STAG1: variants seen among roughly 807,000 people sequenced by gnomAD.
STAG1 encodes STAG1 cohesin complex component.
In STAG1, 26 loss-of-function variants were observed where a neutral mutation model predicts 170.9. The observed-to-expected ratio is 0.15, with a 90% CI of 0.11 to 0.21. The LOEUF (loss-of-function observed/expected upper bound fraction) is 0.21. STAG1 is among the 10% of genes least tolerant of loss of function. STAG1 has a pLI of 1.00. For synonymous variants in STAG1, 514 were observed against 497.7 expected (o/e 1.03, Z -0.44); for missense variants, 964 against 1,509.5 (o/e 0.64, Z 5.99).
At chr3:136,421,006 A>G (rs554093183) in intron 20 of STAG1, 87 bp downstream of exon 20, 30 of 741,862 alleles carry the variant, frequency 4.0e-5, no homozygotes, top group Middle Eastern at 5.8e-4. Flanking sequence ...CATGGCCTCA[A>G]GCAATCTGCC....
At chr3:136,447,595 C>CTTTTTTTT (rs1559806771) in intron 14 of STAG1, among the ~76,000 whole-genome samples, 1 of 121,414 alleles carries the variant, frequency 8.2e-6, no homozygotes, top group African/African-American at 3.2e-5. Flanking sequence ...AAAAGCATCA[C>CTTTTTTTT]ATTTTTTTTT....
chr3:136,475,083 T>C (rs1043595775), intron 10 of STAG1, among the ~76,000 whole-genome samples: 2 of 151,866 alleles, frequency 1.3e-5, no homozygotes, highest in African/African-American at 2.4e-5. Flanking sequence ...TGAAACCACA[T>C]TTTCATTAGT....
chr3:136,659,395 ATTCTC>A (rs1363861259), intron 1 of STAG1, among the ~76,000 whole-genome samples: 1 of 152,186 alleles, frequency 6.6e-6, no homozygotes, highest in Non-Finnish European at 1.5e-5. Context: ...CATTTGCTCA[ATTCTC>A]TTCTCAAGCA....
chr3:136,749,237 A>C (rs1444073296), intron 1 of STAG1, among the ~76,000 whole-genome samples: 1 of 152,192 alleles, frequency 6.6e-6, no homozygotes, highest in African/African-American at 2.4e-5. Flanking sequence ...GTGAGCTTTT[A>C]AAAAAGACCT....
At chr3:136,553,298 G>A (rs961303089) in intron 5 of STAG1, among the ~76,000 whole-genome samples, 13 of 151,938 alleles carry the variant, frequency 8.6e-5, no homozygotes, top group Admixed American at 2.0e-4. Flanking sequence ...ACAGAAGAGA[G>A]TATAACAAAT....
At chr3:136,713,156 G>GT (rs1272477662) in intron 1 of STAG1, among the ~76,000 whole-genome samples, 5 of 152,276 alleles carry the variant, frequency 3.3e-5, no homozygotes, top group South Asian at 2.1e-4. Context: ...TAAAAATAAT[G>GT]TAATATCCAT....
intron 1 of STAG1, among the ~76,000 whole-genome samples, chr3:136,680,068 T>TA (rs1942282678): frequency 6.6e-6 from 1 of 151,862 alleles, no homozygotes; most frequent in Admixed American, 6.6e-5. Context: ...ATGAAAATAA[T>TA]AAACTACAGT....
chr3:136,440,817 C>A (rs946370989), intron 15 of STAG1, among the ~76,000 whole-genome samples: 1 of 151,816 alleles, frequency 6.6e-6, no homozygotes, highest in Non-Finnish European at 1.5e-5. Flanking sequence ...TGGTGAAACC[C>A]CATCTTTACT....
chr3:136,746,691 C>T (rs910166938), intron 1 of STAG1, among the ~76,000 whole-genome samples: 8 of 152,230 alleles, frequency 5.3e-5, no homozygotes, highest in South Asian at 2.1e-4. Flanking sequence ...CTCAGTCGGG[C>T]GCAGTGGCTC....
chr3:136,661,605 T>C (rs887681735), intron 1 of STAG1, among the ~76,000 whole-genome samples: 3 of 152,096 alleles, frequency 2.0e-5, no homozygotes, highest in Non-Finnish European at 1.5e-5. Flanking sequence ...TATGCAAATA[T>C]TCCAAAACCC....
intron 3 of STAG1, among the ~76,000 whole-genome samples, chr3:136,619,441 A>G (rs1939743302): frequency 6.6e-6 from 1 of 151,746 alleles, no homozygotes; most frequent in African/African-American, 2.4e-5. Context: ...CATATTGGGT[A>G]GAGGTGGCGA....
intron 5 of STAG1, among the ~76,000 whole-genome samples, chr3:136,561,526 A>G (rs1243873414): frequency 6.6e-6 from 1 of 152,204 alleles, no homozygotes; most frequent in Non-Finnish European, 1.5e-5. Context: ...AACTGGCTGT[A>G]GGATAGTAAT....
chr3:136,665,721 A>G (rs1223039734), intron 1 of STAG1, among the ~76,000 whole-genome samples: 2 of 148,574 alleles, frequency 1.3e-5, no homozygotes, highest in Non-Finnish European at 1.5e-5. Flanking sequence ...CAGAGCTTGC[A>G]GTGAGCCAAG....
intron 30 of STAG1, among the ~76,000 whole-genome samples, chr3:136,341,825 G>T (rs1295378135): frequency 6.6e-6 from 1 of 152,222 alleles, no homozygotes; most frequent in Non-Finnish European, 1.5e-5. Flanking sequence ...TTGGGCTGGT[G>T]CCGCACTCAC....
At chr3:136,376,001 T>A (rs1377911696) in intron 23 of STAG1, among the ~76,000 whole-genome samples, 3 of 121,000 alleles carry the variant, frequency 2.5e-5, no homozygotes, top group South Asian at 2.4e-4. Flanking sequence ...AATAAATAAA[T>A]AAATAAATAA....
At chr3:136,341,345 T>A in intron 31 of STAG1, 96 bp downstream of exon 31, 1 of 786,686 alleles carries the variant, frequency 1.3e-6, no homozygotes, top group Non-Finnish European at 2.1e-6. Flanking sequence ...TAATTTTAAC[T>A]CCTAAGACCA....
intron 22 of STAG1, among the ~76,000 whole-genome samples, chr3:136,387,221 CTG>C (rs540540469): frequency 6.3e-4 from 96 of 152,296 alleles, no homozygotes; most frequent in African/African-American, 2.3e-3. Flanking sequence ...AACTACTTAA[CTG>C]TCAGTGTAGC....
Position 136,464,881 on chromosome 3 carries a change from T to G in STAG1, c.1313A>C (p.Lys438Thr). 6.2e-7 allele frequency: 1 copy of G among 1,609,092 alleles called. No homozygotes were observed. Among genetic ancestry groups the G allele is most frequent in the Non-Finnish European group, 8.5e-7 (1 of 1,178,418 alleles). ...CGGTTTTCAAAGATAATTAGCTCAC[T>G]TTTTGTGAAGGAACTCTCCAGCTGC... ...AVAAGEFLHK[K>T]LFSRHDPQAE... Residue 438 changes from lysine to threonine, a missense_variant and splice_region_variant, in exon 13 of 34, where the codon AAG becomes ACG. Around this residue, in one of 11 missense-constraint regions of STAG1, gnomAD observed 162 missense variants for 211.2 expected, o/e 0.77. Coordinates refer to ENST00000383202, the MANE Select transcript of STAG1 (RefSeq NM_005862.3).
Position 136,590,565 on chromosome 3 carries a change from T to C in STAG1, c.297+13744A>G, listed in dbSNP as rs535105666. Among the ~76,000 whole-genome samples, 256 of 151,984 alleles carry C rather than the reference T, an allele frequency of 1.7e-3. 1 individual carries two copies. Among genetic ancestry groups the C allele is most frequent in the African/African-American group, 5.2e-3 (215 of 41,504 alleles). Reference sequence around the variant, plus strand: ...GAGAAATGCAGCTTATATTTAGCACTTTCCTACTTTTATGCTTGAATAACC... The same window carrying C: ...GAGAAATGCAGCTTATATTTAGCACCTTCCTACTTTTATGCTTGAATAACC... On this transcript the variant is annotated intron_variant, in intron 4 of 33. Transcript: ENST00000383202.
Sources: gnomAD v4.1 joint callset for allele counts (sites outside exome capture counted in the v4.1 genomes callset) on GRCh38, gnomAD v4.1.1 for gene constraint, gnomAD v4.1.1 regional missense constraint, MANE v1.5 for transcripts, NCBI Gene and HGNC (gene_info 2026-07-23, HGNC 2026-07-21) for gene names.